HECTD4: variants seen among roughly 807,000 people sequenced by gnomAD.
The protein encoded by HECTD4 is probable E3 ubiquitin-protein ligase HECTD4.
In HECTD4, 114 loss-of-function variants were observed where a neutral mutation model predicts 471.5. That is an observed-to-expected ratio of 0.24 (90% CI 0.21 to 0.28). HECTD4 has a LOEUF of 0.28. Ranked by LOEUF, HECTD4 falls within the 10% of genes least tolerant of loss-of-function variation. The pLI is 1.00. For missense variants in HECTD4, 3,866 were observed against 5,651.5 expected (o/e 0.68, Z 10.13); for synonymous variants, 2,012 against 2,256.0 (o/e 0.89, Z 3.07).
chr12:112,312,945 T>C (rs2035400214), intron 4 of HECTD4, 72 bp downstream of exon 4: 2 of 1,261,598 alleles, frequency 1.6e-6, no homozygotes, highest in Non-Finnish European at 2.2e-6. Context: ...AGCCATATCA[T>C]TTGCTACAGT....
chr12:112,359,305 T>A (rs561035450), intron 1 of HECTD4, among the ~76,000 whole-genome samples: 15 of 150,526 alleles, frequency 1.0e-4, no homozygotes, highest in South Asian at 2.1e-4. Flanking sequence ...TTTTTTTTTT[T>A]AAAGGAATAA....
intron 1 of HECTD4, among the ~76,000 whole-genome samples, chr12:112,349,791 T>C (rs2036220705): frequency 6.6e-6 from 1 of 152,188 alleles, no homozygotes; most frequent in Non-Finnish European, 1.5e-5. Flanking sequence ...AGGATTTTAT[T>C]TTTGGCAAGG....
chr12:112,296,786 T>G (rs867996160), intron 7 of HECTD4, among the ~76,000 whole-genome samples: 1,719 of 58,466 alleles, frequency 0.029, no homozygotes, highest in Middle Eastern at 0.11. Flanking sequence ...TAGGTGCAGA[T>G]GGTGTAGGTG....
intron 5 of HECTD4, 122 bp downstream of exon 5, chr12:112,309,439 G>A (rs990152568): frequency 1.1e-5 from 6 of 536,556 alleles, no homozygotes; most frequent in Admixed American, 3.4e-5. Context: ...AATTAGTTCA[G>A]ACTTGTTATT....
rs183422223 is a variant in HECTD4, at chr12:112,190,900, T to C, written c.9358A>G (p.Met3120Val). Residue 3120 changes from methionine to valine, a missense_variant, in exon 60 of 76, where the codon ATG becomes GTG. Met to Val is a conservative substitution (Grantham distance 21, BLOSUM62 1). Coordinates refer to ENST00000682272, the MANE Select transcript of HECTD4 (RefSeq NM_001388303.1). The part of the protein sequence containing the change: ...HSLPLEFPLA[M>V]AFAEQLLSWK... The stretch of plus-strand genomic sequence containing the variant: ...GACAGCAGCTGCTCTGCGAAGGCCA[T>C]AGCCAGTGGGAACTCCAGGGGCAGG... The C allele has an allele frequency of 3.1e-5, 48 of 1,573,436 alleles. No homozygotes were observed. In the Admixed American group the frequency reaches 7.6e-4, roughly 25 times the overall value.
At chr12:112,306,312 C>A in intron 6 of HECTD4, 78 bp from the exon 7 acceptor site, 1 of 1,159,344 alleles carries the variant, frequency 8.6e-7, no homozygotes. Context: ...TCATTAATGC[C>A]ATTATGCCCA....
chr12:112,349,954 TTTTC>T (rs780881432), intron 1 of HECTD4, among the ~76,000 whole-genome samples: 2 of 152,122 alleles, frequency 1.3e-5, no homozygotes, highest in Non-Finnish European at 2.9e-5. Flanking sequence ...ATATTTTTCT[TTTTC>T]TTTTTCTTTT....
At chr12:112,299,452 G>A (rs760256716) in intron 7 of HECTD4, among the ~76,000 whole-genome samples, 9 of 151,836 alleles carry the variant, frequency 5.9e-5, no homozygotes, top group Non-Finnish European at 1.0e-4. Flanking sequence ...TCCCACCCCC[G>A]TCTCTACAAA....
At chr12:112,176,774 A>C in intron 64 of HECTD4, 72 bp from the exon 65 acceptor site, 5 of 1,145,518 alleles carry the variant, frequency 4.4e-6, no homozygotes, top group Non-Finnish European at 6.6e-6. Context: ...ACACAGCCTC[A>C]TAGTCATTCA....
At chr12:112,231,368 T>C in intron 39 of HECTD4, 145 bp downstream of exon 39, 1 of 715,436 alleles carries the variant, frequency 1.4e-6, no homozygotes, top group Non-Finnish European at 2.4e-6. Context: ...CTCCAGGCTG[T>C]ACCTTGAGTG....
intron 1 of HECTD4, chr12:112,322,757 G>A (rs1287922139): frequency 6.5e-6 from 1 of 153,046 alleles, no homozygotes; most frequent in African/African-American, 2.4e-5. Flanking sequence ...CACCAAAGGT[G>A]TTACTGGCAA....
At chr12:112,171,777 G>C (rs919728092) in intron 67 of HECTD4, among the ~76,000 whole-genome samples, 1 of 152,228 alleles carries the variant, frequency 6.6e-6, no homozygotes, top group Non-Finnish European at 1.5e-5. Context: ...AAAGAGCCAG[G>C]GCTCTGTGTC....
chr12:112,258,072 C>G (rs1296904643), intron 20 of HECTD4, among the ~76,000 whole-genome samples: 1 of 152,038 alleles, frequency 6.6e-6, no homozygotes, highest in African/African-American at 2.4e-5. Flanking sequence ...GCCTGTAATC[C>G]TAGCTACTCA....
Position 112,171,247 on chromosome 12 carries a change from G to A in HECTD4, c.11802C>T (p.Ser3934=). ...GCAGCAAGGCGAAGCGCAGGCGCAG[G>A]CTCTCGATGGGCACGTCTGAGGGCG... ...VACLLNVPIE[S]LRLRFALLQS... is the part of the protein sequence containing the mutation. Residue 3934 remains serine (S), a synonymous_variant, in exon 68 of 76, where the codon AGC becomes AGT. Coordinates refer to ENST00000682272, the MANE Select transcript of HECTD4 (RefSeq NM_001388303.1). 1 of 1,607,576 alleles carries A rather than the reference G, an allele frequency of 6.2e-7. No homozygotes were observed. The highest frequency in any genetic ancestry group is 8.5e-7 in the Non-Finnish European group (1 of 1,177,284).
Position 112,228,311 on chromosome 12 carries a change from T to C in HECTD4, c.6685-53A>G, listed in dbSNP as rs897773685. ...AAGTTAAATTCAAGTAGTTAGTTTATAAGAAATGAGGGTGTTATTATTATC... is the reference window on the plus strand; with the variant it reads ...AAGTTAAATTCAAGTAGTTAGTTTACAAGAAATGAGGGTGTTATTATTATC... On this transcript the variant is annotated intron_variant, in intron 42 of 75. Coordinates refer to ENST00000682272, the MANE Select transcript of HECTD4 (RefSeq NM_001388303.1). This position sits in a 1 kb window ranked among gnomAD's most constrained non-coding sequence, Gnocchi z 4.9. 501 of 1,471,296 alleles carry C rather than the reference T, an allele frequency of 3.4e-4. 5 individuals are homozygous for C. The highest frequency in any genetic ancestry group is 3.0e-5 in the Non-Finnish European group (33 of 1,110,134). The allele number at this position is 1,471,296 out of a possible 1,614,324, so 91.1% of individuals were successfully genotyped here.
At chr12:112,170,005 G>T (rs1203866409) in intron 69 of HECTD4, 2 of 534,624 alleles carry the variant, frequency 3.7e-6, no homozygotes, top group South Asian at 2.1e-5. Context: ...AGAGACTCTG[G>T]GGAGCCTCCC....
chr12:112,254,195 A>C (rs757823797), intron 21 of HECTD4, 33 bp from the exon 22 acceptor site: 1 of 1,601,496 alleles, frequency 6.2e-7, no homozygotes. Flanking sequence ...TTAGACTGTA[A>C]AAGAAAAACA....
intron 1 of HECTD4, among the ~76,000 whole-genome samples, chr12:112,320,552 T>A (rs2035564187): frequency 6.7e-6 from 1 of 150,002 alleles, no homozygotes; most frequent in African/African-American, 2.5e-5. Context: ...ACAAAAAAAA[T>A]TAGCCAGGCG....
rs934671632 is a variant in HECTD4 at position 112,219,097 on chromosome 12, T to TA, written c.7074+288dup. ...ATGAAACTGACTGTATCTCTAAACT[T>TA]AAAAAAAAAAAGCTTTCTTTTTGTT... On this transcript the variant is annotated intron_variant, in intron 45 of 75. Coordinates refer to ENST00000682272, the MANE Select transcript of HECTD4 (RefSeq NM_001388303.1). Among the ~76,000 whole-genome samples the TA allele has an allele frequency of 4.6e-3, 662 of 145,010 alleles. 3 individuals carry two copies. Among genetic ancestry groups the TA allele is most frequent in the African/African-American group, 0.014 (558 of 39,714 alleles).
Sources: gnomAD v4.1 joint callset for allele counts (sites outside exome capture counted in the v4.1 genomes callset) on GRCh38, gnomAD v4.1.1 for gene constraint, Gnocchi (gnomAD v3.1) non-coding constraint, MANE v1.5 for transcripts, NCBI Gene and HGNC (gene_info 2026-07-23, HGNC 2026-07-21) for gene names.